ATRNL1: variants seen among roughly 807,000 people sequenced by gnomAD.
ATRNL1 encodes the protein attractin-like protein 1.
A neutral mutation model predicts 182.7 loss-of-function variants in ATRNL1; 95 were observed. The ratio of observed to expected loss-of-function variants is 0.52; its 90% CI spans 0.44 to 0.62. The LOEUF (loss-of-function observed/expected upper bound fraction) is 0.62, where lower values mean the gene tolerates loss of function less well. Among genes scored for constraint, ATRNL1 ranks in the 20% least tolerant of loss-of-function variants. ATRNL1 has a pLI of 0.00. For missense variants in ATRNL1, 1,471 were observed against 1,679.5 expected (o/e 0.88, Z 2.17); for synonymous variants, 576 against 568.3 (o/e 1.01, Z -0.19).
At chr10:115,819,172 T>C (rs1288379821) in intron 27 of ATRNL1, among the ~76,000 whole-genome samples, 2 of 152,084 alleles carry the variant, frequency 1.3e-5, no homozygotes, top group Non-Finnish European at 2.9e-5. Context: ...ATGCCTGTGA[T>C]GCCAGTTCTC....
intron 27 of ATRNL1, among the ~76,000 whole-genome samples, chr10:115,746,177 C>T (rs373690656): frequency 2.0e-5 from 3 of 152,134 alleles, no homozygotes; most frequent in East Asian, 3.9e-4. Flanking sequence ...TCTCTCACCC[C>T]GAACTTCAGC....
intron 27 of ATRNL1, among the ~76,000 whole-genome samples, chr10:115,798,171 C>G (rs556328785): frequency 3.9e-5 from 6 of 152,284 alleles, no homozygotes; most frequent in African/African-American, 1.4e-4. Flanking sequence ...CCCACCTCGG[C>G]CTCCCCAAGT....
At chr10:115,681,845 T>G (rs782607011) in intron 26 of ATRNL1, among the ~76,000 whole-genome samples, 1 of 152,166 alleles carries the variant, frequency 6.6e-6, no homozygotes, top group Non-Finnish European at 1.5e-5. Flanking sequence ...CTGCTCTTGG[T>G]TATATTGGTA....
chr10:115,684,792 GTA>G (rs1236836231), intron 26 of ATRNL1, among the ~76,000 whole-genome samples: 1 of 151,586 alleles, frequency 6.6e-6, no homozygotes, highest in African/African-American at 2.4e-5. Flanking sequence ...ACCAAATAGT[GTA>G]ATGCACATAT....
chr10:115,478,741 TA>T (rs1364589554), intron 24 of ATRNL1, among the ~76,000 whole-genome samples: 1 of 151,548 alleles, frequency 6.6e-6, no homozygotes, highest in Non-Finnish European at 1.5e-5. Context: ...TGAATTAGGG[TA>T]AAAAAATGGA....
intron 26 of ATRNL1, among the ~76,000 whole-genome samples, chr10:115,618,794 T>C (rs1857568344): frequency 6.6e-6 from 1 of 152,172 alleles, no homozygotes; most frequent in Non-Finnish European, 1.5e-5. Context: ...CTTAAGATCA[T>C]TATTTTGGTT....
At chr10:115,248,153 A>G (rs1168678947) in intron 10 of ATRNL1, among the ~76,000 whole-genome samples, 1 of 152,192 alleles carries the variant, frequency 6.6e-6, no homozygotes, top group East Asian at 1.9e-4. Flanking sequence ...TGTAGTTTCA[A>G]ATATCTAGAA....
At chr10:115,582,248 G>C (rs1855156826) in intron 26 of ATRNL1, among the ~76,000 whole-genome samples, 1 of 149,834 alleles carries the variant, frequency 6.7e-6, no homozygotes. Flanking sequence ...ATAGTCCTTT[G>C]GGTATATACC....
At chr10:115,844,685 G>A (rs930405431) in intron 27 of ATRNL1, among the ~76,000 whole-genome samples, 2 of 151,962 alleles carry the variant, frequency 1.3e-5, no homozygotes, top group Non-Finnish European at 2.9e-5. Flanking sequence ...TGCTAATTAC[G>A]TAACTGTCAG....
chr10:115,426,434 A>G (rs536044530), intron 21 of ATRNL1, 132 bp downstream of exon 21: 6 of 595,790 alleles, frequency 1.0e-5, no homozygotes, highest in African/African-American at 9.4e-5. Context: ...TTATAATACA[A>G]CTTTACGTAT....
intron 9 of ATRNL1, among the ~76,000 whole-genome samples, chr10:115,220,816 A>G (rs1849432774): frequency 6.6e-6 from 1 of 151,904 alleles, no homozygotes; most frequent in Non-Finnish European, 1.5e-5. Flanking sequence ...GCGACTGTAA[A>G]ATTGAAGTAC....
intron 8 of ATRNL1, among the ~76,000 whole-genome samples, chr10:115,191,760 C>T (rs189782673): frequency 9.2e-5 from 14 of 152,186 alleles, no homozygotes; most frequent in African/African-American, 2.4e-4. Context: ...CTTCCCCTTC[C>T]GCCATGATTG....
At chr10:115,729,150 C>T (rs1323043169) in intron 27 of ATRNL1, among the ~76,000 whole-genome samples, 4 of 151,970 alleles carry the variant, frequency 2.6e-5, no homozygotes, top group Admixed American at 6.6e-5. Flanking sequence ...GTCAGTTGCA[C>T]GTTAATAGTG....
At chr10:115,527,140 G>A (rs1367606163) in intron 25 of ATRNL1, among the ~76,000 whole-genome samples, 1 of 139,896 alleles carries the variant, frequency 7.1e-6, no homozygotes, top group Non-Finnish European at 1.5e-5. Flanking sequence ...TCCCCCCCGA[G>A]ATAGGGTCTC....
chr10:115,339,238 T>C (rs1554937581), intron 19 of ATRNL1, among the ~76,000 whole-genome samples: 1 of 152,130 alleles, frequency 6.6e-6, no homozygotes, highest in African/African-American at 2.4e-5. Flanking sequence ...ATTTTTTTTC[T>C]GTTTCTGTGA....
At chr10:115,244,734 T>C (rs782422480) in intron 10 of ATRNL1, among the ~76,000 whole-genome samples, 8 of 152,222 alleles carry the variant, frequency 5.3e-5, no homozygotes, top group Non-Finnish European at 1.0e-4. Context: ...AAAGCCACTA[T>C]GGCACCTTCT....
At chr10:115,405,483 A>C (rs1384160596) in intron 20 of ATRNL1, among the ~76,000 whole-genome samples, 2 of 152,054 alleles carry the variant, frequency 1.3e-5, no homozygotes, top group Admixed American at 6.5e-5. Flanking sequence ...TTTTTATAAC[A>C]ATTTTCTTTT....
At chr10:115,463,479 A>T (rs1480404382) in intron 22 of ATRNL1, among the ~76,000 whole-genome samples, 1 of 152,182 alleles carries the variant, frequency 6.6e-6, no homozygotes, top group Non-Finnish European at 1.5e-5. Flanking sequence ...TTATACCTGC[A>T]TTATAATTAC....
chr10:115,869,504 G>C (rs1055511618), intron 28 of ATRNL1, among the ~76,000 whole-genome samples: 50 of 152,056 alleles, frequency 3.3e-4, no homozygotes, highest in African/African-American at 1.2e-3. Context: ...AGGGGCCAGG[G>C]GTGTTGGGAT....
Sources: allele counts gnomAD v4.1 joint callset (sites outside exome capture counted in the v4.1 genomes callset), GRCh38; gene constraint gnomAD v4.1.1; transcripts MANE v1.5; gene names NCBI Gene and HGNC (gene_info 2026-07-23, HGNC 2026-07-21).